OR2L13: variants seen among roughly 807,000 people sequenced by gnomAD.
OR2L13 encodes the protein olfactory receptor 2L13.
OR2L13 carries 14 observed loss-of-function variants against 15.3 expected under a neutral mutation model. The observed-to-expected ratio is 0.91, with a 90% CI of 0.60 to 1.43. OR2L13 has a LOEUF of 1.43. OR2L13 is among the 40% of genes most tolerant of loss of function. The pLI is 0.00. For missense variants in OR2L13, 367 were observed against 387.9 expected, an observed-to-expected ratio of 0.95 and a Z score of 0.45; for synonymous variants, 152 against 142.9, an observed-to-expected ratio of 1.06 and a Z score of -0.45.
the OR2L13 span, among the ~76,000 whole-genome samples, chr1:248,073,834 ATCTC>A: frequency 6.6e-5 from 10 of 151,770 alleles, no homozygotes; most frequent in Admixed American, 6.6e-4. Context: ...AAAACCACAA[ATCTC>A]TCTCCATTGA....
At chr1:248,056,347 T>A in the OR2L13 span, among the ~76,000 whole-genome samples, 19 of 152,236 alleles carry the variant, frequency 1.2e-4, no homozygotes, top group South Asian at 4.2e-4. Context: ...TGGGTCTCCA[T>A]CTCCTTCAGT....
the OR2L13 span, among the ~76,000 whole-genome samples, chr1:247,977,596 A>G: frequency 6.6e-6 from 1 of 152,204 alleles, no homozygotes; most frequent in Non-Finnish European, 1.5e-5. Context: ...AGCCAAAAGC[A>G]TAAACTTTTA....
At chr1:247,937,843 GAAAT>G in the OR2L13 span, among the ~76,000 whole-genome samples, 1 of 152,146 alleles carries the variant, frequency 6.6e-6, no homozygotes, top group Non-Finnish European at 1.5e-5. Context: ...TTATACTATA[GAAAT>G]AAATATTTAA....
At chr1:247,971,222 T>A in the OR2L13 span, among the ~76,000 whole-genome samples, 1 of 152,182 alleles carries the variant, frequency 6.6e-6, no homozygotes, top group Admixed American at 6.6e-5. Context: ...TACTTTGCTT[T>A]TTTTTAGTCT....
At chr1:248,017,770 C>T in the OR2L13 span, among the ~76,000 whole-genome samples, 1 of 152,196 alleles carries the variant, frequency 6.6e-6, no homozygotes, top group Non-Finnish European at 1.5e-5. Context: ...GGATGGAGTT[C>T]TGGGGTTGCC....
chr1:247,994,644 A>G, the OR2L13 span, among the ~76,000 whole-genome samples: 1 of 152,172 alleles, frequency 6.6e-6, no homozygotes, highest in African/African-American at 2.4e-5. Context: ...AAATGCTACA[A>G]ACTTGAAGTT....
At chr1:247,956,489 T>C in the OR2L13 span, among the ~76,000 whole-genome samples, 1 of 148,272 alleles carries the variant, frequency 6.7e-6, no homozygotes, top group South Asian at 2.2e-4. Flanking sequence ...AGAAAGTCAT[T>C]GGTAGCTTGA....
the OR2L13 span, among the ~76,000 whole-genome samples, chr1:247,955,094 C>A: frequency 3.3e-5 from 5 of 151,774 alleles, no homozygotes; most frequent in Non-Finnish European, 7.4e-5. Flanking sequence ...GCTATCCCTC[C>A]CCCCTTCCCC....
chr1:248,041,386 G>A, the OR2L13 span: 1 of 152,036 alleles, frequency 6.6e-6, no homozygotes, highest in Non-Finnish European at 1.5e-5. Flanking sequence ...TTAAACGTTA[G>A]ACCTAAAACC....
the OR2L13 span, among the ~76,000 whole-genome samples, chr1:247,994,189 G>A: frequency 6.6e-6 from 1 of 152,120 alleles, no homozygotes; most frequent in African/African-American, 2.4e-5. Flanking sequence ...AGGGTCAGGA[G>A]ATCGAGACCA....
chr1:248,063,027 A>T, the OR2L13 span: 1 of 152,078 alleles, frequency 6.6e-6, no homozygotes, highest in East Asian at 1.9e-4. Flanking sequence ...GAAGTTTGGT[A>T]CTCATGCCTC....
chr1:248,067,960 C>T, the OR2L13 span, among the ~76,000 whole-genome samples: 9,229 of 152,240 alleles, frequency 0.061, 932 homozygotes, highest in African/African-American at 0.21. Flanking sequence ...CCCGCCATTG[C>T]CCAGGCTTGC....
At chr1:248,044,733 G>A in the OR2L13 span, among the ~76,000 whole-genome samples, 1 of 117,740 alleles carries the variant, frequency 8.5e-6, no homozygotes, top group African/African-American at 5.8e-5. Context: ...AACCCGGGAA[G>A]CGGAGCTTGC....
the OR2L13 span, chr1:248,004,119 A>G: frequency 1.4e-6 from 2 of 1,395,580 alleles, no homozygotes; most frequent in South Asian, 2.9e-5. Flanking sequence ...TCCATTCAGC[A>G]GTGTATAGTA....
At chr1:247,947,334 G>GT in the OR2L13 span, among the ~76,000 whole-genome samples, 7 of 152,176 alleles carry the variant, frequency 4.6e-5, no homozygotes, top group Admixed American at 4.6e-4. Flanking sequence ...ATATTTGTGT[G>GT]TGTTTGCACA....
chr1:247,955,664 C>A, the OR2L13 span, among the ~76,000 whole-genome samples: 1 of 114,118 alleles, frequency 8.8e-6, no homozygotes, highest in Non-Finnish European at 2.0e-5. Flanking sequence ...GATGGTATCT[C>A]ATTGTAGTTT....
chr1:247,942,924 C>T, the OR2L13 span, among the ~76,000 whole-genome samples: 1 of 151,364 alleles, frequency 6.6e-6, no homozygotes, highest in Non-Finnish European at 1.5e-5. Context: ...CACTTCCTCT[C>T]TCTATGAATT....
At chr1:247,978,230 A>G in the OR2L13 span, among the ~76,000 whole-genome samples, 1 of 152,200 alleles carries the variant, frequency 6.6e-6, no homozygotes, top group African/African-American at 2.4e-5. Flanking sequence ...CGGAAGGAAC[A>G]AACTCCAGAC....
the OR2L13 span, among the ~76,000 whole-genome samples, chr1:247,959,499 G>C: frequency 6.6e-6 from 1 of 151,992 alleles, no homozygotes. Context: ...TGCCTTGCTA[G>C]ATTGGGAAAG....
Sources: gnomAD v4.1 joint callset for allele counts (sites outside exome capture counted in the v4.1 genomes callset) on GRCh38, gnomAD v4.1.1 for gene constraint, MANE v1.5 for transcripts, NCBI Gene and HGNC (gene_info 2026-07-23, HGNC 2026-07-21) for gene names.